VAV3: variants seen among roughly 807,000 people sequenced by gnomAD.
The protein encoded by VAV3 is guanine nucleotide exchange factor VAV3.
Under a neutral mutation model 131.2 loss-of-function variants are expected in VAV3, and 94 were observed. The ratio of observed to expected loss-of-function variants is 0.72; its 90% CI spans 0.61 to 0.85. VAV3 has a LOEUF of 0.85. Among genes scored for constraint, VAV3 ranks in the 40% least tolerant of loss-of-function variants. The pLI, the probability that VAV3 is intolerant of heterozygous loss-of-function variation, is 0.00. For missense variants in VAV3, 939 were observed against 1,002.7 expected (o/e 0.94, Z 0.86); for synonymous variants, 349 against 342.0 (o/e 1.02, Z -0.22).
At chr1:107,886,166 G>T (rs1671026860) in intron 1 of VAV3, among the ~76,000 whole-genome samples, 1 of 152,238 alleles carries the variant, frequency 6.6e-6, no homozygotes, top group Non-Finnish European at 1.5e-5. Flanking sequence ...TCACGGCCAT[G>T]ACCCTGCCTC....
chr1:107,927,418 G>A (rs112225044), intron 1 of VAV3, among the ~76,000 whole-genome samples: 1 of 151,974 alleles, frequency 6.6e-6, no homozygotes, highest in Admixed American at 6.5e-5. Flanking sequence ...AAAAGAAGAG[G>A]AAATAGCAAA....
At chr1:107,750,016 T>G (rs923361831) in intron 13 of VAV3, among the ~76,000 whole-genome samples, 4 of 151,826 alleles carry the variant, frequency 2.6e-5, no homozygotes, top group Non-Finnish European at 4.4e-5. Context: ...TTGAGAAGTG[T>G]TCATCCCTTT....
At chr1:107,854,701 T>A (rs947312010) in intron 2 of VAV3, among the ~76,000 whole-genome samples, 1 of 152,122 alleles carries the variant, frequency 6.6e-6, no homozygotes, top group Admixed American at 6.5e-5. Flanking sequence ...CATAATGACC[T>A]CCCTGACCTT....
chr1:107,721,012 A>T (rs1348959052), intron 15 of VAV3, among the ~76,000 whole-genome samples: 1 of 152,232 alleles, frequency 6.6e-6, no homozygotes, highest in African/African-American at 2.4e-5. Flanking sequence ...AGGAGAGAAG[A>T]GATCAGTGTT....
intron 1 of VAV3, among the ~76,000 whole-genome samples, chr1:107,893,910 T>C (rs2101067721): frequency 6.6e-6 from 1 of 152,356 alleles, no homozygotes; most frequent in South Asian, 2.1e-4. Context: ...ATAGGAAAAC[T>C]CTTTCATGAA....
At chr1:107,887,213 G>A (rs925091667) in intron 1 of VAV3, among the ~76,000 whole-genome samples, 5 of 152,216 alleles carry the variant, frequency 3.3e-5, no homozygotes, top group Non-Finnish European at 7.3e-5. Flanking sequence ...TGAGGACTGC[G>A]CTCTTACCCG....
chr1:107,799,312 A>G (rs1163413103), intron 2 of VAV3, among the ~76,000 whole-genome samples: 1 of 140,478 alleles, frequency 7.1e-6, no homozygotes, highest in Non-Finnish European at 1.5e-5. Context: ...TTCACCTATC[A>G]AAAAAAAAAA....
intron 25 of VAV3, among the ~76,000 whole-genome samples, chr1:107,577,528 T>A (rs925078578): frequency 6.6e-6 from 1 of 152,232 alleles, no homozygotes; most frequent in African/African-American, 2.4e-5. Flanking sequence ...GGTATAGCCA[T>A]ACAACCAAGT....
chr1:107,809,909 G>T (rs79361503), intron 2 of VAV3, among the ~76,000 whole-genome samples: 1 of 152,110 alleles, frequency 6.6e-6, no homozygotes, highest in African/African-American at 2.4e-5. Context: ...CTAGAGAAAC[G>T]TTGCCAGGAA....
At chr1:107,937,059 G>T (rs888082522) in intron 1 of VAV3, among the ~76,000 whole-genome samples, 1 of 152,108 alleles carries the variant, frequency 6.6e-6, no homozygotes, top group Non-Finnish European at 1.5e-5. Context: ...TGCCTAGCAA[G>T]AGTGACAGTC....
chr1:107,799,192 T>C (rs2102296519), intron 2 of VAV3, among the ~76,000 whole-genome samples: 1 of 152,278 alleles, frequency 6.6e-6, no homozygotes, highest in Admixed American at 6.5e-5. Flanking sequence ...TTACCTCATT[T>C]CATATTTGTA....
intron 25 of VAV3, among the ~76,000 whole-genome samples, chr1:107,579,147 G>T (rs1420513445): frequency 6.6e-6 from 1 of 152,136 alleles, no homozygotes; most frequent in Admixed American, 6.5e-5. Flanking sequence ...GCTAGAATTA[G>T]AATCCTCTTA....
rs775285750 is a variant in VAV3 at position 107,770,644 on chromosome 1, T to C, written c.640A>G (p.Ile214Val). The C allele has an allele frequency of 5.6e-6, 9 of 1,605,576 alleles. No individual in the cohort carries two copies. Among genetic ancestry groups the C allele is most frequent in the Non-Finnish European group, 7.7e-6 (9 of 1,173,078 alleles). The stretch of plus-strand genomic sequence containing the variant: ...AATACCTGATGACTTACCTTTTCTA[T>C]TGACTCCAAAGTTTCTGTATATTTT... ...EEKYTETLES[I>V]EKYFMAPLKR... The change falls in exon 6 of 27, where the codon ATA becomes GTA. Residue 214 changes from isoleucine (I) to valine (V), a missense_variant. Ile to Val is a conservative substitution (Grantham distance 29). Coordinates refer to ENST00000370056, the MANE Select transcript of VAV3 (RefSeq NM_006113.5).
At chr1:107,656,951 T>C (rs1181373145) in intron 19 of VAV3, among the ~76,000 whole-genome samples, 1 of 141,374 alleles carries the variant, frequency 7.1e-6, no homozygotes, top group Non-Finnish European at 1.5e-5. Flanking sequence ...TCCTTTTTTT[T>C]TTTTTTTTTT....
Position 107,755,405 on chromosome 1 carries a change from G to A in VAV3, c.1173+22C>T, listed in dbSNP as rs1347953236. The A allele has an allele frequency of 6.4e-6, 10 of 1,551,604 alleles. No individual in the cohort carries two copies. The East Asian group carries it at 1.6e-4, about 24-fold the overall frequency. ...GTTGATGTGGGGGTGAGGGGAAGCT[G>A]GATGGAAAGATAATTACATACCAAA... On this transcript the variant is annotated intron_variant, in intron 12 of 26. Transcript: ENST00000370056.
At chr1:107,681,792 T>C (rs1179281754) in intron 19 of VAV3, among the ~76,000 whole-genome samples, 2 of 151,984 alleles carry the variant, frequency 1.3e-5, no homozygotes, top group Admixed American at 6.6e-5. Flanking sequence ...TAGCTGGGAC[T>C]ACAGGCACCC....
intron 22 of VAV3, among the ~76,000 whole-genome samples, chr1:107,603,712 A>ATT (rs573095493): frequency 6.8e-6 from 1 of 147,608 alleles, no homozygotes; most frequent in Admixed American, 6.8e-5. Context: ...TAAAAGGTAG[A>ATT]TTTTTTTTTT....
chr1:107,773,804 T>G (rs542829534), intron 4 of VAV3, among the ~76,000 whole-genome samples: 1 of 152,084 alleles, frequency 6.6e-6, no homozygotes, highest in African/African-American at 2.4e-5. Flanking sequence ...CATCAAAGGA[T>G]AGGAAGGTCT....
rs1649941900 is a variant in VAV3 at position 107,580,216 on chromosome 1, T to G, written c.2351-6018A>C. 5.9e-5 allele frequency among the ~76,000 whole-genome samples: 9 copies of G among 152,184 alleles called. No homozygotes were observed. The South Asian group carries it at 1.7e-3, about 28-fold the overall frequency. ...TGAAGCTGCTGAATGGACAAGTATCTCGGCAGGGTATTTAATTCTGCAAGT... is the reference window on the plus strand; with the variant it reads ...TGAAGCTGCTGAATGGACAAGTATCGCGGCAGGGTATTTAATTCTGCAAGT... On this transcript the variant is annotated intron_variant, in intron 25 of 26. Coordinates refer to ENST00000370056, the MANE Select transcript of VAV3 (RefSeq NM_006113.5).
Sources: allele counts gnomAD v4.1 joint callset (sites outside exome capture counted in the v4.1 genomes callset), GRCh38; gene constraint gnomAD v4.1.1; transcripts MANE v1.5; gene names NCBI Gene and HGNC (gene_info 2026-07-23, HGNC 2026-07-21).